SPEN: variants seen among roughly 807,000 people sequenced by gnomAD.
The protein encoded by SPEN is msx2-interacting protein.
SPEN carries 18 observed loss-of-function variants against 269.9 expected under a neutral mutation model. The ratio of observed to expected loss-of-function variants is 0.07; its 90% CI spans 0.05 to 0.10. The LOEUF (loss-of-function observed/expected upper bound fraction) is 0.10. Ranked by LOEUF, SPEN falls within the 10% of genes least tolerant of loss-of-function variation. The pLI is 1.00. For synonymous variants in SPEN, 1,726 were observed against 1,765.7 expected, an observed-to-expected ratio of 0.98 and a Z score of 0.56; for missense variants, 3,822 against 4,631.2, an observed-to-expected ratio of 0.83 and a Z score of 5.07.
intron 3 of SPEN, among the ~76,000 whole-genome samples, chr1:15,887,237 A>G (rs1424724269): frequency 6.7e-6 from 1 of 149,558 alleles, no homozygotes; most frequent in East Asian, 2.0e-4. Flanking sequence ...TTGCCTCCCA[A>G]AGTGCTGGGA....
intron 3 of SPEN, among the ~76,000 whole-genome samples, chr1:15,895,221 C>T (rs2070829338): frequency 2.6e-5 from 4 of 152,148 alleles, no homozygotes; most frequent in Admixed American, 2.6e-4. Context: ...CCATTCCTGG[C>T]CTCATTTTAA....
In SPEN at chr1:15,851,149, T is replaced by TTTTG. The variant is rs778056018; in HGVS notation, c.83+3015_83+3018dup. On this transcript the variant is annotated intron_variant, in intron 1 of 14. Coordinates refer to ENST00000375759, the MANE Select transcript of SPEN (RefSeq NM_015001.3). Reference sequence around the variant, plus strand: ...ATTTTTAAATTTACATTCTGATTAGTTTTGTTTGTTTGTTTGTTTTTAAAT... The same window carrying TTTTG: ...ATTTTTAAATTTACATTCTGATTAGTTTTGTTTGTTTGTTTGTTTGTTTTTAAAT... Among the ~76,000 whole-genome samples the TTTTG allele has an allele frequency of 5.3e-5, 8 of 152,312 alleles. No homozygotes were observed. In the East Asian group the frequency reaches 1.2e-3, roughly 22 times the overall value.
At position 15,932,354 on chromosome 1, in the gene SPEN, G is replaced by A; in HGVS notation, c.6114G>A (p.Gly2038=). 1 of 1,614,146 alleles carries A rather than the reference G, an allele frequency of 6.2e-7. No homozygotes were observed. Among genetic ancestry groups the A allele is most frequent in the Non-Finnish European group, 8.5e-7 (1 of 1,180,044 alleles). The change falls in exon 11 of 15, where the codon GGG becomes GGA. Residue 2038 remains glycine, a synonymous_variant. Transcript: ENST00000375759. The surrounding 1 kb of genome is among the most constrained non-coding windows in gnomAD (Gnocchi z 4.2). The stretch of plus-strand genomic sequence containing the variant: ...CCAAGGCTGCTGAGGAGGAGGCAGG[G>A]AGTGAACAGAAACGTGACAGAAAAG... ...MEPKAAEEEA[G]SEQKRDRKDA...
At chr1:15,874,283 AT>A in intron 2 of SPEN, 1 of 1,366,358 alleles carries the variant, frequency 7.3e-7, no homozygotes, top group Non-Finnish European at 9.8e-7. Context: ...ACCCTTGCCC[AT>A]TAAGAAGGTG....
chr1:15,937,111 G>T lies in SPEN; in HGVS notation c.10027-52G>T. The T allele has an allele frequency of 6.4e-7, 1 of 1,565,344 alleles. No homozygotes were observed. Among genetic ancestry groups the T allele is most frequent in the Middle Eastern group, 2.4e-4 (1 of 4,254 alleles). Reference sequence around the variant, plus strand: ...TTTGGGTCATTTGTTGGTCTCAGGGGCTTGTGCACAACAGACTGACTCTGT... The same window carrying T: ...TTTGGGTCATTTGTTGGTCTCAGGGTCTTGTGCACAACAGACTGACTCTGT... On this transcript the variant is annotated intron_variant, in intron 11 of 14. Coordinates refer to ENST00000375759, the MANE Select transcript of SPEN (RefSeq NM_015001.3). This position sits in a 1 kb window ranked among gnomAD's most constrained non-coding sequence, Gnocchi z 5.7.
At chr1:15,914,652 G>A (rs866209932) in intron 5 of SPEN, among the ~76,000 whole-genome samples, 9 of 152,000 alleles carry the variant, frequency 5.9e-5, no homozygotes, top group African/African-American at 1.7e-4. Context: ...GCGAAACCCC[G>A]TCTCTACTAA....
intron 3 of SPEN, among the ~76,000 whole-genome samples, chr1:15,885,500 A>G (rs1027475943): frequency 6.6e-6 from 1 of 152,236 alleles, no homozygotes; most frequent in African/African-American, 2.4e-5. Flanking sequence ...GACTCCTGTA[A>G]GAGCCAATTA....
At chr1:15,905,838 G>T (rs1292016082) in intron 3 of SPEN, among the ~76,000 whole-genome samples, 1 of 152,188 alleles carries the variant, frequency 6.6e-6, no homozygotes, top group Non-Finnish European at 1.5e-5. Flanking sequence ...CTCCCAAAGT[G>T]CTGGGATTAC....
intron 1 of SPEN, among the ~76,000 whole-genome samples, chr1:15,865,510 C>T (rs1228656217): frequency 6.6e-6 from 1 of 150,970 alleles, no homozygotes; most frequent in Non-Finnish European, 1.5e-5. Flanking sequence ...GCAGCCTCCA[C>T]CTCCTGGGTT....
intron 3 of SPEN, among the ~76,000 whole-genome samples, chr1:15,879,043 A>AT (rs2070661659): frequency 6.6e-6 from 1 of 151,334 alleles, no homozygotes; most frequent in South Asian, 2.1e-4. Context: ...AAGAAAAAAA[A>AT]GAAAAAGTGC....
intron 10 of SPEN, among the ~76,000 whole-genome samples, chr1:15,926,523 C>G (rs1416279598): frequency 6.6e-6 from 1 of 151,838 alleles, no homozygotes; most frequent in Non-Finnish European, 1.5e-5. Context: ...GCTTCGTTTG[C>G]TGTTCAAAGG....
chr1:15,909,271 A>G lies in SPEN; in HGVS notation c.882-50A>G, dbSNP rs756346943. On this transcript the variant is annotated intron_variant, in intron 3 of 14. Coordinates refer to ENST00000375759, the MANE Select transcript of SPEN (RefSeq NM_015001.3). Reference sequence around the variant, plus strand: ...TTTAAGAAGTTTTCTAATGCTGCTCATTTTCTGTTTGTCTTTTCACTAAAG... The same window carrying G: ...TTTAAGAAGTTTTCTAATGCTGCTCGTTTTCTGTTTGTCTTTTCACTAAAG... The G allele has an allele frequency of 4.5e-6, 7 of 1,571,266 alleles. 2 individuals are homozygous for G. In the South Asian group the frequency reaches 8.2e-5, roughly 18 times the overall value.
intron 6 of SPEN, 117 bp downstream of exon 6, chr1:15,916,396 T>C: frequency 9.1e-7 from 1 of 1,097,332 alleles, no homozygotes; most frequent in South Asian, 1.9e-5. Context: ...CATTGTTGTG[T>C]GCTTTTAGCT....
rs1215369183 is a variant in SPEN at position 15,904,452 on chromosome 1, C to CAAAAAAAAAAAAAAAAAAAAAAA, written c.882-4866_882-4844dup. 6.4e-4 allele frequency among the ~76,000 whole-genome samples: 31 copies of CAAAAAAAAAAAAAAAAAAAAAAA among 48,620 alleles called. 2 individuals are homozygous for CAAAAAAAAAAAAAAAAAAAAAAA. Among genetic ancestry groups the CAAAAAAAAAAAAAAAAAAAAAAA allele is most frequent in the East Asian group, 1.1e-3 (1 of 938 alleles). 31.9% of individuals were successfully genotyped at this position (48,620 alleles called of 152,430 possible). On this transcript the variant is annotated intron_variant, in intron 3 of 14. Transcript: ENST00000375759. ...GGGCAATAAGAGCGAAACTCCATCT[C>CAAAAAAAAAAAAAAAAAAAAAAA]AAAAAAAAAAAAAAAAAAAAAAAAA...
chr1:15,879,210 G>A (rs761775167), intron 3 of SPEN, among the ~76,000 whole-genome samples: 2 of 151,214 alleles, frequency 1.3e-5, no homozygotes, highest in Non-Finnish European at 2.9e-5. Context: ...AGGTGGTGGT[G>A]GGTGCTTGTA....
chr1:15,911,847 G>A (rs575532889), intron 5 of SPEN, among the ~76,000 whole-genome samples: 25 of 152,330 alleles, frequency 1.6e-4, no homozygotes, highest in African/African-American at 6.0e-4. Flanking sequence ...TGTAATCCCA[G>A]CTACTTGGGA....
chr1:15,926,443 T>C (rs1389313889), intron 10 of SPEN, among the ~76,000 whole-genome samples: 1 of 151,926 alleles, frequency 6.6e-6, no homozygotes, highest in Non-Finnish European at 1.5e-5. Context: ...AATATACATA[T>C]TTATAAATAT....
Position 15,929,873 on chromosome 1 carries a change from A to G in SPEN, c.3633A>G (p.Val1211=). 1.9e-6 allele frequency: 3 copies of G among 1,614,190 alleles called. No individual in the cohort carries two copies. The highest frequency in any genetic ancestry group is 2.5e-6 in the Non-Finnish European group (3 of 1,180,034). Residue 1211 remains valine (V), a synonymous_variant, in exon 11 of 15, where the codon GTA becomes GTG. Transcript: ENST00000375759. The surrounding 1 kb of genome is among the most constrained non-coding windows in gnomAD (Gnocchi z 5.8). ...EYERRSLVHE[V]GKPPQDVTDD... is the part of the protein sequence containing the mutation. The stretch of plus-strand genomic sequence containing the variant: ...AAAGACGTAGCCTCGTTCACGAGGT[A>G]GGCAAACCCCCTCAAGATGTCACTG...
intron 3 of SPEN, among the ~76,000 whole-genome samples, chr1:15,896,102 T>C (rs1002180211): frequency 2.0e-5 from 3 of 152,040 alleles, no homozygotes; most frequent in Non-Finnish European, 4.4e-5. Context: ...ATGATTTTTT[T>C]CCTCTCATTT....
Sources: gnomAD v4.1 joint callset for allele counts (sites outside exome capture counted in the v4.1 genomes callset) on GRCh38, gnomAD v4.1.1 for gene constraint, Gnocchi (gnomAD v3.1) non-coding constraint, MANE v1.5 for transcripts, NCBI Gene and HGNC (gene_info 2026-07-23, HGNC 2026-07-21) for gene names.